STK32B: variants seen among roughly 807,000 people sequenced by gnomAD.
The protein encoded by STK32B is serine/threonine kinase 32B.
STK32B carries 43 observed loss-of-function variants against 52.6 expected under a neutral mutation model. That is an observed-to-expected ratio of 0.82 (90% CI 0.64 to 1.05). The LOEUF (loss-of-function observed/expected upper bound fraction) is 1.05, where lower values mean the gene tolerates loss of function less well. Among genes scored for constraint, STK32B ranks in the 50% least tolerant of loss-of-function variants. The probability of loss-of-function intolerance (pLI) is 0.00; values close to 1 mark genes in which losing one functional copy is unlikely to be tolerated. For missense variants in STK32B, 621 were observed against 534.6 expected, an observed-to-expected ratio of 1.16 and a Z score of -1.59; for synonymous variants, 238 against 204.3, an observed-to-expected ratio of 1.17 and a Z score of -1.41.
chr4:5,339,190 C>T (rs1266824906), intron 4 of STK32B, among the ~76,000 whole-genome samples: 2 of 152,208 alleles, frequency 1.3e-5, no homozygotes, highest in Non-Finnish European at 2.9e-5. Context: ...AATTGAATTA[C>T]ACCACTTGCT....
At chr4:5,317,042 T>A (rs569861408) in intron 3 of STK32B, among the ~76,000 whole-genome samples, 219 of 18,740 alleles carry the variant, frequency 0.012, 27 homozygotes, top group African/African-American at 0.086. Flanking sequence ...TATAATATAT[T>A]ATATATATAA....
chr4:5,394,780 TGAG>T lies in STK32B; in HGVS notation c.435-3424_435-3422del, dbSNP rs1281279594. Among the ~76,000 whole-genome samples the T allele has an allele frequency of 6.6e-6, 1 of 152,210 alleles. No homozygotes were observed. Among genetic ancestry groups the T allele is most frequent in the Non-Finnish European group, 1.5e-5 (1 of 68,036 alleles). On this transcript the variant is annotated intron_variant, in intron 4 of 11. Coordinates refer to ENST00000282908, the MANE Select transcript of STK32B (RefSeq NM_018401.3). This position sits in a 1 kb window ranked among gnomAD's most constrained non-coding sequence, Gnocchi z 4.2. ...GCTGTTGCTGTTCCCATTTCCCAAATGAGGAAAACAAGGCTGAGAGTAAGTGGC... is the reference window on the plus strand; with the variant it reads ...GCTGTTGCTGTTCCCATTTCCCAAATGAAAACAAGGCTGAGAGTAAGTGGC...
chr4:5,087,911 A>C (rs1452069495), intron 1 of STK32B, among the ~76,000 whole-genome samples: 3 of 152,098 alleles, frequency 2.0e-5, no homozygotes, highest in Admixed American at 2.0e-4. Context: ...ATCATCAAAG[A>C]AATCAAAGAC....
rs529179754 is a variant in STK32B at position 5,223,678 on chromosome 4, G to A, written c.260+55228G>A. ...AATACAAAAACAAAATTAGCCAGGC[G>A]TGGTGGTGGACACCTGTAGTCCCAG... On this transcript the variant is annotated intron_variant, in intron 3 of 11. Coordinates refer to ENST00000282908, the MANE Select transcript of STK32B (RefSeq NM_018401.3). 4.6e-5 allele frequency among the ~76,000 whole-genome samples: 7 copies of A among 152,058 alleles called. No homozygotes were observed. In the South Asian group the frequency reaches 6.2e-4, roughly 14 times the overall value.
intron 3 of STK32B, among the ~76,000 whole-genome samples, chr4:5,296,337 G>A: frequency 6.6e-6 from 1 of 152,144 alleles, no homozygotes; most frequent in East Asian, 1.9e-4. Context: ...CTGTCTCATT[G>A]ATCTGTCTAA....
chr4:5,473,055 A>G (rs2109179931), intron 11 of STK32B, among the ~76,000 whole-genome samples: 1 of 152,280 alleles, frequency 6.6e-6, no homozygotes, highest in Admixed American at 6.5e-5. Flanking sequence ...CCAGTGCTTT[A>G]GTCCTTACTT....
chr4:5,299,980 T>A (rs941958578), intron 3 of STK32B, among the ~76,000 whole-genome samples: 1 of 151,756 alleles, frequency 6.6e-6, no homozygotes, highest in South Asian at 2.1e-4. Context: ...AGCAAAGATA[T>A]AACAAAAAAA....
chr4:5,033,800 G>A, the STK32B span, among the ~76,000 whole-genome samples: 10 of 152,176 alleles, frequency 6.6e-5, no homozygotes, highest in Non-Finnish European at 7.3e-5. Context: ...AAGATGTGGC[G>A]AAGTCACACA....
intron 1 of STK32B, among the ~76,000 whole-genome samples, chr4:5,128,055 C>A (rs142205318): frequency 6.1e-4 from 93 of 152,184 alleles, no homozygotes; most frequent in African/African-American, 2.1e-3. Flanking sequence ...TATAAATTAC[C>A]CAGTGTCAGG....
intron 3 of STK32B, among the ~76,000 whole-genome samples, chr4:5,268,048 T>C (rs558820931): frequency 2.0e-5 from 3 of 152,336 alleles, no homozygotes; most frequent in South Asian, 2.1e-4. Flanking sequence ...GGAGCCATTC[T>C]GTTCTGCTTG....
chr4:5,361,171 G>T (rs1734523592), intron 4 of STK32B, among the ~76,000 whole-genome samples: 2 of 152,164 alleles, frequency 1.3e-5, no homozygotes, highest in Admixed American at 1.3e-4. Flanking sequence ...CATGTAGAAT[G>T]ATATTGCATT....
intron 3 of STK32B, among the ~76,000 whole-genome samples, chr4:5,290,252 C>T (rs1299034619): frequency 1.3e-5 from 2 of 152,096 alleles, no homozygotes; most frequent in African/African-American, 2.4e-5. Context: ...CGTTAGTATA[C>T]TGTAACATTT....
At chr4:5,167,122 C>T (rs1718937004) in intron 2 of STK32B, among the ~76,000 whole-genome samples, 1 of 152,160 alleles carries the variant, frequency 6.6e-6, no homozygotes, top group South Asian at 2.1e-4. Flanking sequence ...ACCATCTTCC[C>T]ATCCTTTAGA....
At position 5,267,391 on chromosome 4, in the gene STK32B, T is replaced by G. The variant is rs182302064; in HGVS notation, c.261-63829T>G. ...TGCCCCTCCCCGCTTTCCCTGAGTTTCTCAGCTCAGTGCCTAATTTTCTTA... is the reference window on the plus strand; with the variant it reads ...TGCCCCTCCCCGCTTTCCCTGAGTTGCTCAGCTCAGTGCCTAATTTTCTTA... On this transcript the variant is annotated intron_variant, in intron 3 of 11. Transcript: ENST00000282908. Among the ~76,000 whole-genome samples, 4 of 152,308 alleles carry G rather than the reference T, an allele frequency of 2.6e-5. No individual in the cohort carries two copies. In the East Asian group the frequency reaches 7.7e-4, roughly 29 times the overall value.
chr4:5,357,088 TACAC>T (rs33916543), intron 4 of STK32B, among the ~76,000 whole-genome samples: 17,625 of 148,748 alleles, frequency 0.12, 2,167 homozygotes, highest in African/African-American at 0.31. Flanking sequence ...CACACACGTA[TACAC>T]ACACACACAC....
At chr4:5,186,727 T>C (rs10937629) in intron 3 of STK32B, among the ~76,000 whole-genome samples, 110,199 of 152,088 alleles carry the variant, frequency 0.72, 40,256 homozygotes, top group East Asian at 0.91. Context: ...CTCCTCGACA[T>C]ACCCATCCCC....
intron 2 of STK32B, among the ~76,000 whole-genome samples, chr4:5,148,405 A>C (rs1717088625): frequency 6.6e-6 from 1 of 151,830 alleles, no homozygotes; most frequent in Non-Finnish European, 1.5e-5. Flanking sequence ...AGGACTGCTT[A>C]AGTTACACCC....
At chr4:5,213,135 G>T (rs992862369) in intron 3 of STK32B, among the ~76,000 whole-genome samples, 2 of 152,144 alleles carry the variant, frequency 1.3e-5, no homozygotes, top group African/African-American at 2.4e-5. Flanking sequence ...TTTTCACTGT[G>T]ATTTAATTCT....
intron 5 of STK32B, among the ~76,000 whole-genome samples, chr4:5,415,226 C>T (rs920859310): frequency 5.3e-5 from 8 of 152,204 alleles, no homozygotes; most frequent in Non-Finnish European, 1.5e-5. Context: ...CTGCATGTCA[C>T]CATCACTCTA....
Sources: gnomAD v4.1 joint callset for allele counts (sites outside exome capture counted in the v4.1 genomes callset) on GRCh38, gnomAD v4.1.1 for gene constraint, Gnocchi (gnomAD v3.1) non-coding constraint, MANE v1.5 for transcripts, NCBI Gene and HGNC (gene_info 2026-07-23, HGNC 2026-07-21) for gene names.